APIP: variants seen among roughly 807,000 people sequenced by gnomAD.
APIP encodes methylthioribulose-1-phosphate dehydratase.
Under a neutral mutation model 32.0 loss-of-function variants are expected in APIP, and 32 were observed. The observed-to-expected ratio is 1.00, with a 90% CI of 0.76 to 1.34. The LOEUF (loss-of-function observed/expected upper bound fraction) is 1.34. APIP is among the 40% of genes most tolerant of loss of function. The pLI is 0.00. For synonymous variants in APIP, 92 were observed against 94.8 expected (o/e 0.97, Z 0.17); for missense variants, 247 against 298.6 (o/e 0.83, Z 1.27).
chr11:34,896,649 C>T (rs1853277173), intron 1 of APIP: 8 of 561,590 alleles, frequency 1.4e-5, no homozygotes, highest in South Asian at 1.2e-4. Flanking sequence ...TGCAGCAAAC[C>T]ACCATGGCAC....
rs769228399 is a variant in APIP, at chr11:34,916,341, C to G, written c.-57G>C. 1.3e-6 allele frequency: 2 copies of G among 1,597,810 alleles called. No homozygotes were observed. The highest frequency in any genetic ancestry group is 1.7e-5 in the Admixed American group (1 of 58,000). On this transcript the variant is annotated 5_prime_UTR_variant, in exon 1 of 7. Coordinates refer to ENST00000395787, the MANE Select transcript of APIP (RefSeq NM_015957.4). ...TCTCCGCACGGCTTTGCGCGCGGCG[C>G]TTAGCCTGGGATACGGCAGCGAGGC...
chr11:34,915,410 T>G (rs1160218027), intron 1 of APIP, among the ~76,000 whole-genome samples: 1 of 152,200 alleles, frequency 6.6e-6, no homozygotes, highest in African/African-American at 2.4e-5. Context: ...ACTTTTTAAT[T>G]AGGATTTTCA....
rs781571523 is a variant in APIP at position 34,888,416 on chromosome 11, A to G, written c.338T>C (p.Val113Ala). The G allele has an allele frequency of 2.5e-6, 4 of 1,607,666 alleles. No individual in the cohort carries two copies. In the African/African-American group the frequency reaches 5.4e-5, roughly 22 times the overall value. ...NAYTMRGAGA[V>A]IHTHSKAAVM... is the part of the protein sequence containing the mutation. ...AGCAGCTTTAGAGTGGGTATGAATC[A>G]CTGCACCTGCTCCTGAAGGAGGAAG... The change falls in exon 5 of 7, where the codon GTG (valine) becomes GCG (alanine). Residue 113 changes from valine (V) to alanine (A), a missense_variant. Val to Ala is a moderately conservative substitution (Grantham distance 64). Transcript: ENST00000395787.
chr11:34,905,004 G>T (rs1178280020), intron 1 of APIP, among the ~76,000 whole-genome samples: 2 of 152,184 alleles, frequency 1.3e-5, no homozygotes, highest in African/African-American at 4.8e-5. Context: ...CCAAATATTA[G>T]AACTTCTTTT....
intron 6 of APIP, 132 bp downstream of exon 6, chr11:34,883,205 G>A: frequency 3.1e-6 from 3 of 966,526 alleles, no homozygotes; most frequent in Non-Finnish European, 4.5e-6. Flanking sequence ...CTTCATGAAT[G>A]GATACATAAT....
At chr11:34,883,930 C>T (rs1330624535) in intron 5 of APIP, among the ~76,000 whole-genome samples, 1 of 152,138 alleles carries the variant, frequency 6.6e-6, no homozygotes, top group Non-Finnish European at 1.5e-5. Flanking sequence ...CACTGTATTT[C>T]ATTTCTGCAG....
intron 1 of APIP, among the ~76,000 whole-genome samples, chr11:34,908,665 A>C (rs950972405): frequency 2.0e-5 from 3 of 152,214 alleles, no homozygotes; most frequent in African/African-American, 7.2e-5. Context: ...TCCTTCTATT[A>C]ATAATCTGGA....
intron 1 of APIP, among the ~76,000 whole-genome samples, chr11:34,901,397 CG>C (rs35993821): frequency 0.6 from 90,461 of 151,776 alleles, 28,254 homozygotes; most frequent in East Asian, 0.74. Flanking sequence ...TGATGGGTCC[CG>C]GGGGCTCAAA....
intron 1 of APIP, among the ~76,000 whole-genome samples, chr11:34,897,679 C>T (rs763960897): frequency 1.3e-5 from 2 of 152,038 alleles, no homozygotes; most frequent in African/African-American, 4.8e-5. Context: ...CATTAGAAAC[C>T]GGGTCCATCC....
intron 5 of APIP, among the ~76,000 whole-genome samples, chr11:34,884,257 T>C (rs1228965773): frequency 1.6e-5 from 2 of 128,592 alleles, no homozygotes; most frequent in Non-Finnish European, 3.5e-5. Context: ...ACTACTTCTA[T>C]AGTGCTAAAA....
At chr11:34,915,994 G>T (rs1029152225) in intron 1 of APIP, 3 of 590,702 alleles carry the variant, frequency 5.1e-6, no homozygotes, top group Admixed American at 3.1e-5. Context: ...CCAACGTTTG[G>T]CGCCCAGCTC....
intron 1 of APIP, among the ~76,000 whole-genome samples, chr11:34,901,627 TG>T (rs1479518258): frequency 6.6e-6 from 1 of 152,170 alleles, no homozygotes; most frequent in Non-Finnish European, 1.5e-5. Context: ...TACCTGCAGA[TG>T]GGGGGACCTA....
intron 1 of APIP, 147 bp from the exon 2 acceptor site, chr11:34,895,257 C>T: frequency 2.8e-6 from 2 of 707,660 alleles, no homozygotes. Flanking sequence ...CTATTACAAA[C>T]ATATTTTGTT....
intron 5 of APIP, among the ~76,000 whole-genome samples, chr11:34,885,149 T>C (rs1853043277): frequency 6.7e-6 from 1 of 148,322 alleles, no homozygotes. Context: ...TGTATACCTA[T>C]ATATGTATAG....
intron 1 of APIP, among the ~76,000 whole-genome samples, chr11:34,903,982 G>A (rs1212022593): frequency 6.6e-6 from 1 of 152,180 alleles, no homozygotes; most frequent in East Asian, 1.9e-4. Context: ...AGTCAAGCAA[G>A]TTATTAATAC....
intron 3 of APIP, among the ~76,000 whole-genome samples, 180 bp downstream of exon 3, chr11:34,890,324 G>A (rs761054957): frequency 2.6e-5 from 4 of 152,024 alleles, no homozygotes; most frequent in African/African-American, 4.8e-5. Flanking sequence ...AACATACACC[G>A]GTTGTATGGA....
intron 1 of APIP, chr11:34,915,844 C>A (rs1441820918): frequency 7.0e-6 from 2 of 286,766 alleles, no homozygotes; most frequent in Non-Finnish European, 1.3e-5. Context: ...GTCGTCAGGG[C>A]GCAGAAAAGA....
intron 1 of APIP, among the ~76,000 whole-genome samples, chr11:34,903,068 G>A (rs1165548165): frequency 2.0e-5 from 3 of 152,188 alleles, no homozygotes. Context: ...GGAGCCTTTG[G>A]GCTAACAGCC....
intron 1 of APIP, among the ~76,000 whole-genome samples, chr11:34,906,754 C>G (rs1195582136): frequency 6.6e-6 from 1 of 152,164 alleles, no homozygotes; most frequent in Non-Finnish European, 1.5e-5. Context: ...AAATCAAAAT[C>G]ATTAAGAGGC....
Sources: allele counts gnomAD v4.1 joint callset (sites outside exome capture counted in the v4.1 genomes callset), GRCh38; gene constraint gnomAD v4.1.1; transcripts MANE v1.5; gene names NCBI Gene and HGNC (gene_info 2026-07-23, HGNC 2026-07-21).